Variants in ACSL3 observed in about 807,000 individuals in gnomAD.
The protein encoded by ACSL3 is acyl-CoA synthetase long chain family member 3.
In ACSL3, 34 loss-of-function variants were observed where a neutral mutation model predicts 84.7. That is an observed-to-expected ratio of 0.40 (90% confidence interval 0.31 to 0.53). The LOEUF is 0.53. ACSL3 is among the 20% of genes least tolerant of loss of function. The pLI is 0.48. For synonymous variants in ACSL3, 315 were observed against 299.4 expected (o/e 1.05, Z -0.54); for missense variants, 680 against 873.1 (o/e 0.78, Z 2.79).
At chr2:222,920,234 A>C (rs1212481033) in intron 7 of ACSL3, among the ~76,000 whole-genome samples, 1 of 152,204 alleles carries the variant, frequency 6.6e-6, no homozygotes, top group Non-Finnish European at 1.5e-5. Context: ...AACATTATTT[A>C]AGAAATGTAT....
At chr2:222,899,206 T>C (rs1377590321) in intron 2 of ACSL3, among the ~76,000 whole-genome samples, 2 of 152,188 alleles carry the variant, frequency 1.3e-5, no homozygotes, top group African/African-American at 4.8e-5. Flanking sequence ...TAAAACTAGA[T>C]TGGAAACCTA....
At chr2:222,865,780 T>C (rs1695119257) in intron 1 of ACSL3, among the ~76,000 whole-genome samples, 1 of 135,594 alleles carries the variant, frequency 7.4e-6, no homozygotes, top group East Asian at 2.2e-4. Context: ...TGTTTTACCT[T>C]GATTTTGGAT....
At chr2:222,909,805 CAA>C (rs1423542985) in intron 4 of ACSL3, 12 of 152,304 alleles carry the variant, frequency 7.9e-5, no homozygotes, top group Admixed American at 7.9e-4. Context: ...TACTGACACT[CAA>C]GAGCCAAGCT....
intron 1 of ACSL3, among the ~76,000 whole-genome samples, chr2:222,865,794 C>CTGTG (rs3219912): frequency 0.1 from 15,628 of 150,038 alleles, 1,075 homozygotes; most frequent in Admixed American, 0.2. Flanking sequence ...TTTGGATCCT[C>CTGTG]TGTGTGTGTG....
intron 3 of ACSL3, among the ~76,000 whole-genome samples, chr2:222,904,300 C>A (rs200140848): frequency 4.4e-5 from 6 of 135,308 alleles, no homozygotes; most frequent in Non-Finnish European, 4.8e-5. Flanking sequence ...AAACAAAAAA[C>A]AATTATGGTC....
intron 2 of ACSL3, among the ~76,000 whole-genome samples, chr2:222,896,491 C>A (rs1170074246): frequency 1.1e-4 from 2 of 18,924 alleles, no homozygotes; most frequent in African/African-American, 3.8e-4. Context: ...CCCCCCACCT[C>A]CCTCCCGGAC....
At chr2:222,919,912 G>A (rs544337642) in intron 7 of ACSL3, among the ~76,000 whole-genome samples, 1 of 152,352 alleles carries the variant, frequency 6.6e-6, no homozygotes, top group East Asian at 1.9e-4. Context: ...TGGACTTAGA[G>A]ATTTGGAAGC....
Position 222,919,105 on chromosome 2 carries a change from T to G in ACSL3, c.708T>G (p.Thr236=), listed in dbSNP as rs769094747. The change falls in exon 7 of 17, where the codon ACT becomes ACG. Residue 236 remains threonine (T), a synonymous_variant. Transcript: ENST00000357430. ...SLVPRLRHII[T]VDGKPPTWSE... ...TCCCACGCCTGCGGCACATCATCACTGTTGATGGAAAGCCACCGACCTGGT... is the reference window on the plus strand; with the variant it reads ...TCCCACGCCTGCGGCACATCATCACGGTTGATGGAAAGCCACCGACCTGGT... The G allele has an allele frequency of 6.2e-7, 1 of 1,614,164 alleles. No homozygotes were observed. The highest frequency in any genetic ancestry group is 8.5e-7 in the Non-Finnish European group (1 of 1,180,022).
intron 4 of ACSL3, among the ~76,000 whole-genome samples, chr2:222,912,174 A>T (rs371490577): frequency 9.8e-5 from 15 of 152,378 alleles, no homozygotes; most frequent in African/African-American, 3.4e-4. Flanking sequence ...TCTCTTGGCC[A>T]TACTCAAGAA....
intron 3 of ACSL3, among the ~76,000 whole-genome samples, chr2:222,906,478 G>A (rs141573438): frequency 6.6e-6 from 1 of 152,212 alleles, no homozygotes; most frequent in African/African-American, 2.4e-5. Flanking sequence ...TTTGTATAGG[G>A]GTTGTGTTTG....
chr2:222,862,182 G>C (rs1286310918), intron 1 of ACSL3, among the ~76,000 whole-genome samples: 1 of 152,232 alleles, frequency 6.6e-6, no homozygotes, highest in African/African-American at 2.4e-5. Flanking sequence ...GCCACGCACT[G>C]TTTGGAGAGC....
intron 11 of ACSL3, among the ~76,000 whole-genome samples, chr2:222,925,321 C>T (rs1696849664): frequency 7.7e-6 from 1 of 129,038 alleles, no homozygotes; most frequent in Non-Finnish European, 1.6e-5. Context: ...GCCTGGGTGA[C>T]AGAGTGCGAG....
intron 10 of ACSL3, among the ~76,000 whole-genome samples, chr2:222,924,130 G>T (rs112654991): frequency 0.013 from 1,961 of 152,262 alleles, 50 homozygotes; most frequent in African/African-American, 0.044. Flanking sequence ...TTTTAGTTCA[G>T]AATTAGTAAG....
At chr2:222,929,728 A>C (rs1385430315) in intron 13 of ACSL3, among the ~76,000 whole-genome samples, 3 of 151,830 alleles carry the variant, frequency 2.0e-5, no homozygotes, top group Non-Finnish European at 2.9e-5. Flanking sequence ...CAGTGAGCCA[A>C]GATTGCGCCA....
At chr2:222,902,177 A>G (rs529893705) in intron 3 of ACSL3, among the ~76,000 whole-genome samples, 1 of 152,300 alleles carries the variant, frequency 6.6e-6, no homozygotes, top group African/African-American at 2.4e-5. Flanking sequence ...CATAATTGCA[A>G]ATTTTTATAA....
At chr2:222,935,367 T>G (rs1697144865) in intron 16 of ACSL3, among the ~76,000 whole-genome samples, 1 of 152,006 alleles carries the variant, frequency 6.6e-6, no homozygotes, top group Non-Finnish European at 1.5e-5. Context: ...TAAAAAAAAT[T>G]TTTTTGTTGT....
intron 16 of ACSL3, among the ~76,000 whole-genome samples, chr2:222,938,953 G>C (rs1299138515): frequency 6.6e-6 from 1 of 151,528 alleles, no homozygotes; most frequent in Non-Finnish European, 1.5e-5. Context: ...TTTCTATTTG[G>C]TTCTTCATTT....
chr2:222,921,085 A>G lies in ACSL3; in HGVS notation c.806-195A>G, dbSNP rs1574556802. The G allele has an allele frequency of 8.6e-6, 6 of 695,424 alleles. No individual in the cohort carries two copies. In the East Asian group the frequency reaches 1.7e-4, roughly 20 times the overall value. 43.1% of individuals were successfully genotyped at this position (695,424 alleles called of 1,614,324 possible). A position where few individuals can be genotyped will look rare whatever the true frequency, so the allele number is the denominator to read the frequency against. The stretch of plus-strand genomic sequence containing the variant: ...TCTTCATAGGTTAATCTGTTTGTAT[A>G]TCTCAATAGAATATATCTCCCATAC... On this transcript the variant is annotated intron_variant, in intron 7 of 16. Transcript: ENST00000357430.
intron 12 of ACSL3, among the ~76,000 whole-genome samples, chr2:222,927,721 G>A (rs1243999569): frequency 1.3e-5 from 2 of 152,154 alleles, no homozygotes; most frequent in African/African-American, 4.8e-5. Flanking sequence ...GAATCGCATA[G>A]GGCCTCATGC....
Sources: allele counts gnomAD v4.1 joint callset (sites outside exome capture counted in the v4.1 genomes callset), GRCh38; gene constraint gnomAD v4.1.1; transcripts MANE v1.5; gene names NCBI Gene and HGNC (gene_info 2026-07-23, HGNC 2026-07-21).